The following MMP20 variants were observed in gnomAD, a reference collection of about 807,000 sequenced individuals.
MMP20 encodes the protein matrix metalloproteinase-20.
In MMP20, 50 loss-of-function variants were observed where a neutral mutation model predicts 51.8. That is an observed-to-expected ratio of 0.97 (90% CI 0.77 to 1.22). The LOEUF (loss-of-function observed/expected upper bound fraction) is 1.22, where lower values mean the gene tolerates loss of function less well. Among genes scored for constraint, MMP20 ranks in the 50% most tolerant of loss-of-function variants. The probability of loss-of-function intolerance (pLI) is 0.00; values close to 1 mark genes in which losing one functional copy is unlikely to be tolerated. For synonymous variants in MMP20, 244 were observed against 216.2 expected, an observed-to-expected ratio of 1.13 and a Z score of -1.13; for missense variants, 663 against 601.4, an observed-to-expected ratio of 1.10 and a Z score of -1.07.
intron 2 of MMP20, among the ~76,000 whole-genome samples, chr11:102,613,790 T>G (rs1341662573): frequency 2.0e-5 from 3 of 152,190 alleles, no homozygotes; most frequent in Non-Finnish European, 2.9e-5. Flanking sequence ...AGACAGACCC[T>G]TAAAGGGACT....
chr11:102,576,984 A>G lies in MMP20; in HGVS notation c.*342T>C. On this transcript the variant is annotated 3_prime_UTR_variant, in exon 10 of 10. Coordinates refer to ENST00000260228, the MANE Select transcript of MMP20 (RefSeq NM_004771.4). ...TATGAAAAGAATTACAATATATGTC[A>G]TGGAATCCACCACTAGTCTTCCTCC... The G allele has an allele frequency of 3.6e-6, 1 of 280,088 alleles. No homozygotes were observed. The highest frequency in any genetic ancestry group is 6.9e-6 in the Non-Finnish European group (1 of 144,790). The allele number at this position is 280,088 out of a possible 1,614,324, so 17.4% of individuals were successfully genotyped here.
chr11:102,613,105 G>C (rs1375548469), intron 2 of MMP20, among the ~76,000 whole-genome samples: 1 of 152,216 alleles, frequency 6.6e-6, no homozygotes, highest in Non-Finnish European at 1.5e-5. Flanking sequence ...TTGAAAAAAG[G>C]GTGAGCCTTT....
intron 8 of MMP20, among the ~76,000 whole-genome samples, chr11:102,579,466 C>T (rs528196847): frequency 6.6e-6 from 1 of 152,088 alleles, no homozygotes; most frequent in African/African-American, 2.4e-5. Flanking sequence ...GCATGTACCA[C>T]CACACCCTGG....
At chr11:102,584,032 G>C (rs575860394) in intron 8 of MMP20, among the ~76,000 whole-genome samples, 2 of 152,246 alleles carry the variant, frequency 1.3e-5, no homozygotes, top group Non-Finnish European at 2.9e-5. Flanking sequence ...TTCAACACTT[G>C]ATGGAGATTT....
intron 3 of MMP20, among the ~76,000 whole-genome samples, chr11:102,611,314 T>C (rs961878881): frequency 4.6e-5 from 7 of 152,212 alleles, no homozygotes; most frequent in Non-Finnish European, 1.0e-4. Context: ...TTCCTAACCA[T>C]TGCTGCAGGG....
At chr11:102,607,823 C>T (rs577152751) in intron 5 of MMP20, 2 of 152,152 alleles carry the variant, frequency 1.3e-5, no homozygotes, top group South Asian at 4.2e-4. Context: ...CAGCCCTTCT[C>T]GGTGGCCCAC....
intron 8 of MMP20, among the ~76,000 whole-genome samples, chr11:102,581,194 C>T (rs1173259665): frequency 3.9e-5 from 6 of 152,020 alleles, no homozygotes; most frequent in African/African-American, 1.4e-4. Flanking sequence ...CACACACACA[C>T]ACACACCTGG....
chr11:102,622,105 CA>C (rs1336504154), intron 1 of MMP20, among the ~76,000 whole-genome samples: 1 of 152,104 alleles, frequency 6.6e-6, no homozygotes, highest in Non-Finnish European at 1.5e-5. Flanking sequence ...GGCAAATTAG[CA>C]AATCAGAATT....
rs921056351 is a variant in MMP20, at chr11:102,598,673, T to C, written c.954-3916A>G. On this transcript the variant is annotated intron_variant, in intron 6 of 9. Coordinates refer to ENST00000260228, the MANE Select transcript of MMP20 (RefSeq NM_004771.4). ...CACCTGGCCTCTTGCAGCTCTTTGC[T>C]AGTTCCTTGAATTCCTCCTCCAGCA... Among the ~76,000 whole-genome samples, 5 of 152,366 alleles carry C rather than the reference T, an allele frequency of 3.3e-5. No individual in the cohort carries two copies. The East Asian group carries it at 9.6e-4, about 29-fold the overall frequency.
At chr11:102,613,120 A>T (rs1409910764) in intron 2 of MMP20, among the ~76,000 whole-genome samples, 1 of 152,218 alleles carries the variant, frequency 6.6e-6, no homozygotes, top group East Asian at 1.9e-4. Context: ...GCCTTTCAGC[A>T]ATTACTGGTG....
intron 8 of MMP20, among the ~76,000 whole-genome samples, chr11:102,581,374 AT>A (rs1404829331): frequency 6.6e-6 from 1 of 152,140 alleles, no homozygotes; most frequent in Non-Finnish European, 1.5e-5. Context: ...ACAAGATAAT[AT>A]TTGCGGTGGT....
At position 102,594,665 on chromosome 11, in the gene MMP20, G is replaced by T. The variant is rs762544632; in HGVS notation, c.1046C>A (p.Ala349Glu). 6.2e-7 allele frequency: 1 copy of T among 1,613,248 alleles called. No homozygotes were observed. The highest frequency in any genetic ancestry group is 1.7e-5 in the Admixed American group (1 of 59,890). Reference protein sequence around the residue: ...SFPQLMSNVDAAYEVAERGTA... With the variant: ...SFPQLMSNVDEAYEVAERGTA... ...GCCCCTCTCAGCCACTTCGTAAGCTGCATCCACATTGGACATGAGCTGGGG... is the reference window on the plus strand; with the variant it reads ...GCCCCTCTCAGCCACTTCGTAAGCTTCATCCACATTGGACATGAGCTGGGG... The change falls in exon 7 of 10, where the codon GCA becomes GAA. Residue 349 changes from alanine (A) to glutamate (E), a missense_variant. By Grantham distance (107) the Ala-to-Glu change is moderately radical (BLOSUM62 -1). Transcript: ENST00000260228.
chr11:102,618,006 T>C (rs767025928), intron 1 of MMP20, among the ~76,000 whole-genome samples: 2 of 152,206 alleles, frequency 1.3e-5, no homozygotes, highest in Non-Finnish European at 1.5e-5. Flanking sequence ...AAGTCTCTGA[T>C]ATAAAATGGC....
At chr11:102,594,582 A>C in intron 7 of MMP20, 39 bp downstream of exon 7, 1 of 1,611,392 alleles carries the variant, frequency 6.2e-7, no homozygotes, top group South Asian at 1.1e-5. Flanking sequence ...GGGGCACTGC[A>C]GCCCTGCCAT....
intron 1 of MMP20, among the ~76,000 whole-genome samples, chr11:102,622,993 T>C (rs1859769743): frequency 6.6e-6 from 1 of 152,146 alleles, no homozygotes; most frequent in African/African-American, 2.4e-5. Flanking sequence ...TGCCCAGAGC[T>C]GAGGACCAGG....
At chr11:102,582,362 C>T (rs948870221) in intron 8 of MMP20, among the ~76,000 whole-genome samples, 17 of 152,008 alleles carry the variant, frequency 1.1e-4, no homozygotes, top group African/African-American at 3.6e-4. Flanking sequence ...CAAGAAAGGG[C>T]GGCAAAAAGG....
chr11:102,582,789 GA>G (rs914804884), intron 8 of MMP20, among the ~76,000 whole-genome samples: 65 of 152,148 alleles, frequency 4.3e-4, no homozygotes, highest in African/African-American at 1.5e-3. Context: ...AAAACTGCAG[GA>G]AAAAAATAGA....
intron 5 of MMP20, among the ~76,000 whole-genome samples, chr11:102,608,557 A>G (rs1305198710): frequency 6.6e-6 from 1 of 152,194 alleles, no homozygotes; most frequent in Non-Finnish European, 1.5e-5. Context: ...AGTTATTTTA[A>G]TCATGATTGC....
At position 102,577,466 on chromosome 11, in the gene MMP20, C is replaced by T. The variant is rs1859139477; in HGVS notation, c.1352-40G>A. 3 of 1,313,340 alleles carry T rather than the reference C, an allele frequency of 2.3e-6. No homozygotes were observed. The East Asian group carries it at 6.9e-5, about 30-fold the overall frequency. The allele number at this position is 1,313,340 out of a possible 1,614,324, so 81.4% of individuals were successfully genotyped here. A position where few individuals can be genotyped will look rare whatever the true frequency, so the allele number is the denominator to read the frequency against. On this transcript the variant is annotated intron_variant, in intron 9 of 9. Transcript: ENST00000260228. Reference sequence around the variant, plus strand: ...GTTGAAATTGGGTTACTGAAGATGTCCAGCACATATATAAATGGAAGAATT... The same window carrying T: ...GTTGAAATTGGGTTACTGAAGATGTTCAGCACATATATAAATGGAAGAATT...
Sources: gnomAD v4.1 joint callset for allele counts (sites outside exome capture counted in the v4.1 genomes callset) on GRCh38, gnomAD v4.1.1 for gene constraint, MANE v1.5 for transcripts, NCBI Gene and HGNC (gene_info 2026-07-23, HGNC 2026-07-21) for gene names.